RUNX1: variants seen among roughly 807,000 people sequenced by gnomAD.
RUNX1 encodes runt-related transcription factor 1.
In RUNX1, 19 loss-of-function variants were observed where a neutral mutation model predicts 42.8. The ratio of observed to expected loss-of-function variants is 0.44; its 90% CI spans 0.31 to 0.65. RUNX1 has a LOEUF of 0.65. Among genes scored for constraint, RUNX1 ranks in the 30% least tolerant of loss-of-function variants. The pLI, the probability that RUNX1 is intolerant of heterozygous loss-of-function variation, is 0.07. For missense variants in RUNX1, 528 were observed against 672.0 expected (o/e 0.79, Z 2.37); for synonymous variants, 271 against 289.4 (o/e 0.94, Z 0.64).
In RUNX1 at chr21:34,907,943, T is replaced by C. The variant is rs927212302; in HGVS notation, c.59-14980A>G. Among the ~76,000 whole-genome samples the C allele has an allele frequency of 6.6e-6, 1 of 152,188 alleles. No individual in the cohort carries two copies. The highest frequency in any genetic ancestry group is 2.4e-5 in the African/African-American group (1 of 41,444). On this transcript the variant is annotated intron_variant, in intron 2 of 8. Coordinates refer to ENST00000675419, the MANE Select transcript of RUNX1 (RefSeq NM_001754.5). This position sits in a 1 kb window ranked among gnomAD's most constrained non-coding sequence, Gnocchi z 5.3. ...AGAGGGAAAAGGAGGCTCTGAAAAG[T>C]GAGTGGCTCTTCTAAGCTCCCGAAA... is the stretch of plus-strand genomic sequence containing the variant.
At chr21:34,931,991 G>A (rs2058451042) in intron 2 of RUNX1, among the ~76,000 whole-genome samples, 1 of 152,138 alleles carries the variant, frequency 6.6e-6, no homozygotes, top group Admixed American at 6.6e-5. Flanking sequence ...CCATATGTAA[G>A]ATGGACTGAA....
chr21:35,033,268 AGTCTCT>A (rs2059285851), intron 2 of RUNX1, among the ~76,000 whole-genome samples: 2 of 152,244 alleles, frequency 1.3e-5, no homozygotes, highest in Non-Finnish European at 2.9e-5. Flanking sequence ...AATTGCTCAG[AGTCTCT>A]GAAAGAACAC....
intron 2 of RUNX1, among the ~76,000 whole-genome samples, chr21:35,010,728 C>T (rs1265090025): frequency 6.6e-6 from 1 of 152,094 alleles, no homozygotes; most frequent in African/African-American, 2.4e-5. Context: ...TCGCTGCCAG[C>T]ACTCATGTAA....
At chr21:34,868,223 G>A (rs1388549010) in intron 5 of RUNX1, among the ~76,000 whole-genome samples, 1 of 152,140 alleles carries the variant, frequency 6.6e-6, no homozygotes, top group East Asian at 1.9e-4. Context: ...TGGGGTCCTT[G>A]CAAGCTGGAT....
chr21:34,787,852 A>G lies in RUNX1; in HGVS notation c.*4283T>C, dbSNP rs2056387431. On this transcript the variant is annotated 3_prime_UTR_variant, in exon 9 of 9. Transcript: ENST00000675419. ...TTATTTGCCATTCACACTGATTGTAACACTGGATTTACAGAAGAAACTGTG... is the reference window on the plus strand; with the variant it reads ...TTATTTGCCATTCACACTGATTGTAGCACTGGATTTACAGAAGAAACTGTG... 4.3e-6 allele frequency: 1 copy of G among 233,086 alleles called. No homozygotes were observed. The highest frequency in any genetic ancestry group is 2.2e-5 in the African/African-American group (1 of 45,348). The allele number at this position is 233,086 out of a possible 1,614,324, so 14.4% of individuals were successfully genotyped here.
chr21:34,850,164 G>A (rs1227098028), intron 6 of RUNX1, among the ~76,000 whole-genome samples: 3 of 152,300 alleles, frequency 2.0e-5, no homozygotes, highest in Non-Finnish European at 4.4e-5. Context: ...GTATTTTAAT[G>A]TGCTGGGATG....
intron 8 of RUNX1, among the ~76,000 whole-genome samples, chr21:34,793,998 C>T (rs2056489415): frequency 6.6e-6 from 1 of 152,030 alleles, no homozygotes; most frequent in African/African-American, 2.4e-5. Context: ...ACCACCGTGC[C>T]CAGCCCTAAA....
At chr21:34,925,893 G>C (rs1212595953) in intron 2 of RUNX1, among the ~76,000 whole-genome samples, 2 of 152,060 alleles carry the variant, frequency 1.3e-5, no homozygotes, top group Non-Finnish European at 2.9e-5. Flanking sequence ...AGGGTGTAGA[G>C]TCACCTGTTT....
chr21:34,908,396 G>C (rs2058242193), intron 2 of RUNX1, among the ~76,000 whole-genome samples: 1 of 152,166 alleles, frequency 6.6e-6, no homozygotes, highest in South Asian at 2.1e-4. Context: ...GAAAGTAAGG[G>C]AGGAACTAAA....
At chr21:34,846,894 G>A (rs529744933) in intron 6 of RUNX1, among the ~76,000 whole-genome samples, 4 of 152,294 alleles carry the variant, frequency 2.6e-5, no homozygotes, top group African/African-American at 9.6e-5. Context: ...GGCCTCTGGA[G>A]CCTTGGAAGA....
Position 34,791,364 on chromosome 21 carries a change from T to C in RUNX1, c.*771A>G, listed in dbSNP as rs976618024. ...ACACATAAATGTCTGAACATCAAGA[T>C]ACATAAATATCTGGGGATTCCTTGT... On this transcript the variant is annotated 3_prime_UTR_variant, in exon 9 of 9. Coordinates refer to ENST00000675419, the MANE Select transcript of RUNX1 (RefSeq NM_001754.5). 11 of 231,850 alleles carry C rather than the reference T, an allele frequency of 4.7e-5. No homozygotes were observed. The East Asian group carries it at 6.8e-4, about 14-fold the overall frequency. The allele number at this position is 231,850 out of a possible 1,614,324, so 14.4% of individuals were successfully genotyped here.
chr21:34,993,695 GCACA>G (rs1170852901), intron 2 of RUNX1, among the ~76,000 whole-genome samples: 10 of 20,290 alleles, frequency 4.9e-4, no homozygotes, highest in African/African-American at 9.1e-4. Context: ...ACACACAGGC[GCACA>G]CACACACAGA....
At chr21:34,971,931 G>T (rs1430832730) in intron 2 of RUNX1, among the ~76,000 whole-genome samples, 1 of 152,208 alleles carries the variant, frequency 6.6e-6, no homozygotes, top group South Asian at 2.1e-4. Flanking sequence ...ACTGAGGAAT[G>T]ATCTCAGGCA....
At chr21:34,945,026 A>G (rs1435159288) in intron 2 of RUNX1, among the ~76,000 whole-genome samples, 6 of 152,224 alleles carry the variant, frequency 3.9e-5, no homozygotes, top group Non-Finnish European at 8.8e-5. Context: ...ACTAAGATTA[A>G]TATGAGCACA....
chr21:34,967,913 T>A (rs2058733143), intron 2 of RUNX1, among the ~76,000 whole-genome samples: 1 of 152,170 alleles, frequency 6.6e-6, no homozygotes, highest in Admixed American at 6.5e-5. Flanking sequence ...GCAGCCTCCT[T>A]AATGTAGGTG....
At chr21:34,833,676 T>C (rs1474514686) in intron 7 of RUNX1, 1 of 160,906 alleles carries the variant, frequency 6.2e-6, no homozygotes, top group East Asian at 1.7e-4. Context: ...GCATCCTGCA[T>C]GGCACAGAGA....
intron 6 of RUNX1, among the ~76,000 whole-genome samples, chr21:34,850,623 C>CT (rs1198375027): frequency 1.3e-5 from 2 of 152,168 alleles, no homozygotes; most frequent in Admixed American, 6.5e-5. Context: ...TTCTTTCTGA[C>CT]TTTTTCACAA....
Position 34,792,726 on chromosome 21 carries a change from C to T in RUNX1, c.968-116G>A. 9.7e-7 allele frequency: 1 copy of T among 1,031,792 alleles called. No individual in the cohort carries two copies. Among genetic ancestry groups the T allele is most frequent in the South Asian group, 1.6e-5 (1 of 60,782 alleles). 63.9% of individuals were successfully genotyped at this position (1,031,792 alleles called of 1,614,324 possible). ...GATACCGCCTAGGAGGATGGGAAGC[C>T]ACCCAGGATGCTACTGCTGGGGAGG... is the stretch of plus-strand genomic sequence containing the variant. On this transcript the variant is annotated intron_variant, in intron 8 of 8. Coordinates refer to ENST00000675419, the MANE Select transcript of RUNX1 (RefSeq NM_001754.5). This position sits in a 1 kb window ranked among gnomAD's most constrained non-coding sequence, Gnocchi z 6.9.
chr21:34,996,531 G>A (rs1282255881), intron 2 of RUNX1, among the ~76,000 whole-genome samples: 2 of 152,028 alleles, frequency 1.3e-5, no homozygotes, highest in African/African-American at 4.8e-5. Context: ...TGGGGGTGTG[G>A]AGAGGACGAA....
Sources: gnomAD v4.1 joint callset for allele counts (sites outside exome capture counted in the v4.1 genomes callset) on GRCh38, gnomAD v4.1.1 for gene constraint, Gnocchi (gnomAD v3.1) non-coding constraint, MANE v1.5 for transcripts, NCBI Gene and HGNC (gene_info 2026-07-23, HGNC 2026-07-21) for gene names.